Variants in ANKRD30BL observed in about 807,000 individuals in gnomAD.
The protein encoded by ANKRD30BL is putative ankyrin repeat domain-containing protein 30B-like.
ANKRD30BL carries 20 observed loss-of-function variants against 18.4 expected under a neutral mutation model. That is an observed-to-expected ratio of 1.09 (90% CI 0.77 to 1.58). The LOEUF is 1.58. Among genes scored for constraint, ANKRD30BL ranks in the 40% most tolerant of loss-of-function variants. ANKRD30BL has a pLI of 0.00. For synonymous variants in ANKRD30BL, 72 were observed against 100.9 expected (o/e 0.71, Z 1.72); for missense variants, 224 against 268.6 (o/e 0.83, Z 1.16).
chr2:132,197,270 C>G (rs1678988489), intron 1 of ANKRD30BL, among the ~76,000 whole-genome samples: 1 of 152,198 alleles, frequency 6.6e-6, no homozygotes, highest in East Asian at 1.9e-4. Flanking sequence ...ATTGAGGACT[C>G]TGAGTTTTAG....
chr2:132,160,668 T>A (rs1688032107), intron 1 of ANKRD30BL, among the ~76,000 whole-genome samples: 1 of 151,720 alleles, frequency 6.6e-6, no homozygotes, highest in Non-Finnish European at 1.5e-5. Flanking sequence ...GACCTCATGA[T>A]CCACCCACCT....
intron 1 of ANKRD30BL, among the ~76,000 whole-genome samples, chr2:132,223,058 T>C (rs896205182): frequency 7.2e-5 from 11 of 152,084 alleles, no homozygotes; most frequent in Non-Finnish European, 1.6e-4. Context: ...TAGTAGAAAC[T>C]GTAAGTGGAT....
At chr2:132,162,634 C>T (rs890902336), upstream of ANKRD30BL, among the ~76,000 whole-genome samples, 2 of 152,166 alleles carry the variant, frequency 1.3e-5, no homozygotes, top group African/African-American at 4.8e-5. Flanking sequence ...CGGGGGTTGC[C>T]ACCGCTGCTG....
intron 1 of ANKRD30BL, among the ~76,000 whole-genome samples, chr2:132,239,827 C>T (rs552988526): frequency 1.0e-3 from 158 of 151,890 alleles, no homozygotes; most frequent in African/African-American, 3.6e-3. Context: ...AAAAACTATA[C>T]AGAAGCATTC....
At chr2:132,236,857 A>G (rs1211101170) in intron 1 of ANKRD30BL, among the ~76,000 whole-genome samples, 2 of 151,876 alleles carry the variant, frequency 1.3e-5, no homozygotes, top group African/African-American at 4.8e-5. Context: ...TCACAATAGC[A>G]AAGACTTGGA....
intron 1 of ANKRD30BL, among the ~76,000 whole-genome samples, chr2:132,237,905 G>A (rs1382012083): frequency 1.3e-5 from 2 of 151,466 alleles, no homozygotes; most frequent in Non-Finnish European, 3.0e-5. Flanking sequence ...TTTTTGCAGA[G>A]TCTGCAAGAA....
At chr2:132,203,004 A>T (rs1024925381) in intron 1 of ANKRD30BL, among the ~76,000 whole-genome samples, 9 of 152,252 alleles carry the variant, frequency 5.9e-5, no homozygotes, top group African/African-American at 2.2e-4. Flanking sequence ...TGTGTTAATT[A>T]ACAGTCAGTT....
chr2:132,221,681 G>A (rs1252426985), intron 1 of ANKRD30BL, among the ~76,000 whole-genome samples: 3 of 121,360 alleles, frequency 2.5e-5, no homozygotes, highest in South Asian at 2.5e-4. Flanking sequence ...CGCCCCGTCC[G>A]GGAGGGAGGT....
intron 1 of ANKRD30BL, among the ~76,000 whole-genome samples, chr2:132,242,520 AT>A (rs1442940067): frequency 6.7e-6 from 1 of 148,298 alleles, no homozygotes; most frequent in East Asian, 1.9e-4. Context: ...TTTGTGGCCT[AT>A]GGTGAAAAAG....
intron 1 of ANKRD30BL, among the ~76,000 whole-genome samples, chr2:132,231,233 T>C (rs1012330182): frequency 1.3e-5 from 2 of 152,164 alleles, no homozygotes; most frequent in Non-Finnish European, 2.9e-5. Context: ...TTGAACTTTC[T>C]TTGATAGAGC....
intron 1 of ANKRD30BL, among the ~76,000 whole-genome samples, chr2:132,172,883 T>A (rs1290733942): frequency 1.3e-5 from 2 of 152,076 alleles, no homozygotes; most frequent in Admixed American, 1.3e-4. Flanking sequence ...AATTTTTGTA[T>A]TTTTAGTAGA....
At chr2:132,214,010 C>T (rs1359478754) in intron 1 of ANKRD30BL, among the ~76,000 whole-genome samples, 1 of 151,870 alleles carries the variant, frequency 6.6e-6, no homozygotes, top group Non-Finnish European at 1.5e-5. Context: ...TAGACAGAAG[C>T]ATTCTGTGAA....
At chr2:132,200,725 T>C (rs1679080972) in intron 1 of ANKRD30BL, among the ~76,000 whole-genome samples, 1 of 152,136 alleles carries the variant, frequency 6.6e-6, no homozygotes, top group African/African-American at 2.4e-5. Flanking sequence ...CTGCCCAAGG[T>C]AATTTACACA....
intron 1 of ANKRD30BL, among the ~76,000 whole-genome samples, chr2:132,167,903 C>T (rs978610547): frequency 6.6e-6 from 1 of 152,214 alleles, no homozygotes; most frequent in Non-Finnish European, 1.5e-5. Flanking sequence ...TTGTTCATTT[C>T]ATCTGTCCAC....
intron 1 of ANKRD30BL, among the ~76,000 whole-genome samples, chr2:132,254,215 C>T (rs1215976189): frequency 6.6e-6 from 1 of 151,628 alleles, no homozygotes. Flanking sequence ...CCCGAGTTCT[C>T]TGGCTCTCGG....
At position 132,148,248 on chromosome 2, in the gene ANKRD30BL, G is replaced by T. The variant is rs779085157; in HGVS notation, c.680-20C>A. ...TTCCTTCTGCCAAACACAGAGTCTG[G>T]TTAAATTTTCCTTCGCTAAATATCA... On this transcript the variant is annotated intron_variant, in intron 5 of 5. Transcript: ENST00000409867. The T allele has an allele frequency of 1.2e-5, 19 of 1,581,998 alleles. No individual in the cohort carries two copies. In the South Asian group the frequency reaches 1.5e-4, roughly 12 times the overall value.
chr2:132,228,086 A>G (rs1338739422), intron 1 of ANKRD30BL, among the ~76,000 whole-genome samples: 1 of 152,034 alleles, frequency 6.6e-6, no homozygotes, highest in Non-Finnish European at 1.5e-5. Flanking sequence ...GGAAAAGGAA[A>G]TATCTTCACA....
intron 1 of ANKRD30BL, among the ~76,000 whole-genome samples, chr2:132,240,838 A>G (rs558527071): frequency 8.6e-4 from 130 of 151,904 alleles, no homozygotes; most frequent in African/African-American, 3.0e-3. Context: ...ACACCTTCTC[A>G]TAAAAATTAG....
intron 1 of ANKRD30BL, among the ~76,000 whole-genome samples, chr2:132,246,899 G>C (rs1470750185): frequency 1.3e-5 from 2 of 151,586 alleles, no homozygotes; most frequent in African/African-American, 4.9e-5. Context: ...TGATAGAGGA[G>C]TTTTGAAACA....
Sources: allele counts gnomAD v4.1 joint callset (sites outside exome capture counted in the v4.1 genomes callset), GRCh38; gene constraint gnomAD v4.1.1; transcripts MANE v1.5; gene names NCBI Gene and HGNC (gene_info 2026-07-23, HGNC 2026-07-21).